The following CADPS2 variants were observed in gnomAD, a reference collection of about 807,000 sequenced individuals.
CADPS2 encodes the protein calcium dependent secretion activator 2, also known as calcium-dependent secretion activator 2.
CADPS2 carries 93 observed loss-of-function variants against 172.5 expected under a neutral mutation model. The ratio of observed to expected loss-of-function variants is 0.54; its 90% confidence interval spans 0.46 to 0.64. The LOEUF is 0.64. CADPS2 is among the 30% of genes least tolerant of loss of function. The pLI is 0.00. For missense variants in CADPS2, 1,420 were observed against 1,565.9 expected, an observed-to-expected ratio of 0.91 and a Z score of 1.57; for synonymous variants, 546 against 555.2, an observed-to-expected ratio of 0.98 and a Z score of 0.23.
intron 2 of CADPS2, among the ~76,000 whole-genome samples, chr7:122,722,011 T>C (rs1282543018): frequency 6.6e-6 from 1 of 152,144 alleles, no homozygotes; most frequent in African/African-American, 2.4e-5. Flanking sequence ...CTAAAAACTC[T>C]CAATAAATTT....
At chr7:122,335,027 C>A (rs2150864000) in intron 28 of CADPS2, among the ~76,000 whole-genome samples, 1 of 152,218 alleles carries the variant, frequency 6.6e-6, no homozygotes, top group Admixed American at 6.5e-5. Context: ...TCACTAGATT[C>A]CTATTGAGTA....
intron 14 of CADPS2, among the ~76,000 whole-genome samples, chr7:122,452,787 A>C (rs1292626365): frequency 1.3e-5 from 2 of 152,218 alleles, no homozygotes; most frequent in African/African-American, 4.8e-5. Flanking sequence ...TATATAAAAT[A>C]GGTAGAAACA....
At chr7:122,781,631 T>C (rs951864085) in intron 1 of CADPS2, among the ~76,000 whole-genome samples, 6 of 152,196 alleles carry the variant, frequency 3.9e-5, no homozygotes, top group African/African-American at 1.4e-4. Context: ...TCTTAATCTA[T>C]CCTTTTCCTA....
intron 7 of CADPS2, among the ~76,000 whole-genome samples, chr7:122,572,871 G>A (rs936837689): frequency 9.2e-5 from 14 of 152,236 alleles, no homozygotes; most frequent in Admixed American, 2.6e-4. Context: ...AGCACCTGGT[G>A]GAGGGTTGGC....
chr7:122,465,516 C>G (rs575520965), intron 14 of CADPS2, among the ~76,000 whole-genome samples: 1 of 152,122 alleles, frequency 6.6e-6, no homozygotes, highest in Non-Finnish European at 1.5e-5. Flanking sequence ...AGATCAGTGT[C>G]GGCATTAGGT....
In CADPS2 at chr7:122,725,904, ACCT is replaced by A. The variant is rs1464336661; in HGVS notation, c.453+11048_453+11050del. ...ACGCCCTGCAGGACGCCTGGATGAC[ACCT>A]CACAGATAGCAGATACCTATTTACA... On this transcript the variant is annotated intron_variant, in intron 2 of 29. Transcript: ENST00000449022. 9.9e-3 allele frequency among the ~76,000 whole-genome samples: 1,510 copies of A among 152,028 alleles called. 24 individuals are homozygous for A. Among genetic ancestry groups the A allele is most frequent in the African/African-American group, 0.034 (1,405 of 41,510 alleles).
intron 2 of CADPS2, among the ~76,000 whole-genome samples, chr7:122,729,622 TTA>T (rs1410885791): frequency 6.6e-6 from 1 of 151,634 alleles, no homozygotes; most frequent in African/African-American, 2.4e-5. Context: ...TGTTGGCCAT[TTA>T]TATGTCTTCT....
chr7:122,587,677 G>A (rs1161331748), intron 6 of CADPS2, among the ~76,000 whole-genome samples: 2 of 152,104 alleles, frequency 1.3e-5, no homozygotes, highest in African/African-American at 4.8e-5. Flanking sequence ...ATTGTGAATA[G>A]TGCTGCAATG....
intron 20 of CADPS2, among the ~76,000 whole-genome samples, chr7:122,395,297 A>AT (rs1012552609): frequency 1.2e-4 from 18 of 151,816 alleles, no homozygotes; most frequent in Admixed American, 5.2e-4. Context: ...AATATAACAG[A>AT]TTTTTTTTTC....
intron 13 of CADPS2, 60 bp from the exon 14 acceptor site, chr7:122,471,622 T>C: frequency 7.0e-7 from 1 of 1,420,430 alleles, no homozygotes; most frequent in Non-Finnish European, 9.4e-7. Context: ...CGATTTGCTT[T>C]CCTGAACGCA....
At chr7:122,401,327 G>A (rs1447940011) in intron 20 of CADPS2, among the ~76,000 whole-genome samples, 1 of 152,182 alleles carries the variant, frequency 6.6e-6, no homozygotes, top group Non-Finnish European at 1.5e-5. Context: ...AATTAAAGAA[G>A]CAGCACCGTG....
intron 2 of CADPS2, among the ~76,000 whole-genome samples, chr7:122,688,923 G>A (rs1016924419): frequency 6.6e-5 from 10 of 152,040 alleles, no homozygotes; most frequent in Admixed American, 5.2e-4. Flanking sequence ...ACATAGGCTC[G>A]ATATATATAC....
At chr7:122,840,164 C>T (rs1224447558) in intron 1 of CADPS2, among the ~76,000 whole-genome samples, 1 of 152,058 alleles carries the variant, frequency 6.6e-6, no homozygotes, top group African/African-American at 2.4e-5. Context: ...TCGTTCTGAG[C>T]AAACTATCAC....
In CADPS2 at chr7:122,394,901, TG is replaced by T. The variant is rs535319194; in HGVS notation, c.2747-1320del. The stretch of plus-strand genomic sequence containing the variant: ...AAAAGGTTAATACTCAGTTGTTTAC[TG>T]CAATAGACTAGGTAAAGGATGATAA... On this transcript the variant is annotated intron_variant, in intron 20 of 29. Transcript: ENST00000449022. 2.0e-5 allele frequency among the ~76,000 whole-genome samples: 3 copies of T among 152,296 alleles called. No homozygotes were observed. In the East Asian group the frequency reaches 5.8e-4, roughly 29 times the overall value.
At chr7:122,458,862 C>A (rs558751881) in intron 14 of CADPS2, among the ~76,000 whole-genome samples, 1 of 151,870 alleles carries the variant, frequency 6.6e-6, no homozygotes, top group African/African-American at 2.4e-5. Flanking sequence ...GAAAGAAATA[C>A]CAAGAGCAAT....
rs750836004 is a variant in CADPS2 at position 122,621,656 on chromosome 7, C to T, written c.929G>A (p.Arg310Gln). 13 of 1,613,430 alleles carry T rather than the reference C, an allele frequency of 8.1e-6. No homozygotes were observed. Among genetic ancestry groups the T allele is most frequent in the Admixed American group, 5.0e-5 (3 of 59,980 alleles). The change falls in exon 5 of 30, where the codon CGG becomes CAG. Residue 310 changes from arginine (R) to glutamine (Q), a missense_variant. Physicochemically the swap from Arg to Gln is conservative, Grantham distance 43. Coordinates refer to ENST00000449022, the MANE Select transcript of CADPS2 (RefSeq NM_017954.11). Reference protein sequence around the residue: ...DMENMYIEELRSSVNLLMANL... With the variant: ...DMENMYIEELQSSVNLLMANL... ...GGCCATTAGCAAATTCACTGAAGACCGCAACTCTTCTATATACATATTCTC... is the reference window on the plus strand; with the variant it reads ...GGCCATTAGCAAATTCACTGAAGACTGCAACTCTTCTATATACATATTCTC...
chr7:122,583,588 GTA>G (rs1156942116), intron 6 of CADPS2, among the ~76,000 whole-genome samples: 1 of 150,520 alleles, frequency 6.6e-6, no homozygotes, highest in Non-Finnish European at 1.5e-5. Context: ...ATATGTGTGT[GTA>G]TATATATGTA....
chr7:122,723,348 C>T (rs571780196), intron 2 of CADPS2, among the ~76,000 whole-genome samples: 24 of 151,892 alleles, frequency 1.6e-4, no homozygotes, highest in African/African-American at 5.6e-4. Flanking sequence ...AAAAACAACC[C>T]CATCAAAAAG....
At chr7:122,377,308 G>A (rs1288324347) in intron 25 of CADPS2, among the ~76,000 whole-genome samples, 1 of 152,196 alleles carries the variant, frequency 6.6e-6, no homozygotes, top group East Asian at 1.9e-4. Flanking sequence ...TTAACCTGAT[G>A]TATTTGATAT....
Sources: gnomAD v4.1 joint callset for allele counts (sites outside exome capture counted in the v4.1 genomes callset) on GRCh38, gnomAD v4.1.1 for gene constraint, MANE v1.5 for transcripts, NCBI Gene and HGNC (gene_info 2026-07-23, HGNC 2026-07-21) for gene names.